The following RIMS2 variants were observed in gnomAD, a reference collection of about 807,000 sequenced individuals.
RIMS2 encodes the protein regulating synaptic membrane exocytosis protein 2.
A neutral mutation model predicts 174.4 loss-of-function variants in RIMS2; 59 were observed. That is an observed-to-expected ratio of 0.34 (90% CI 0.27 to 0.42). The LOEUF (loss-of-function observed/expected upper bound fraction) is 0.42. Ranked by LOEUF, RIMS2 falls within the 10% of genes least tolerant of loss-of-function variation. RIMS2 has a pLI of 1.00. For missense variants in RIMS2, 1,620 were observed against 1,666.3 expected (o/e 0.97, Z 0.48); for synonymous variants, 606 against 572.5 (o/e 1.06, Z -0.84).
intron 16 of RIMS2, among the ~76,000 whole-genome samples, chr8:103,983,633 A>C (rs2154549512): frequency 6.6e-6 from 1 of 152,330 alleles, no homozygotes; most frequent in East Asian, 1.9e-4. Context: ...AGGTGCCAAG[A>C]GTATACATTG....
intron 19 of RIMS2, among the ~76,000 whole-genome samples, chr8:104,114,745 G>A (rs4439090): frequency 0.29 from 43,704 of 151,500 alleles, 7,445 homozygotes; most frequent in East Asian, 0.73. Context: ...TTAATTATTA[G>A]CATAGTTGCT....
intron 3 of RIMS2, among the ~76,000 whole-genome samples, chr8:103,788,952 G>C (rs181361178): frequency 0.01 from 1,478 of 143,854 alleles, 5 homozygotes; most frequent in African/African-American, 0.035. Flanking sequence ...CTCTGAGCCA[G>C]GTGCGGGATA....
chr8:103,777,186 A>G (rs2098327726), intron 3 of RIMS2, among the ~76,000 whole-genome samples: 2 of 152,068 alleles, frequency 1.3e-5, no homozygotes, highest in African/African-American at 2.4e-5. Flanking sequence ...GAAAGACTGA[A>G]TGAGTAGATA....
intron 1 of RIMS2, among the ~76,000 whole-genome samples, chr8:103,624,595 T>C (rs73696666): frequency 0.048 from 7,320 of 152,298 alleles, 583 homozygotes; most frequent in African/African-American, 0.17. Context: ...GAGGGAATAA[T>C]CTAACTTTGC....
chr8:103,862,669 C>T (rs1284356485), intron 3 of RIMS2, among the ~76,000 whole-genome samples: 3 of 151,846 alleles, frequency 2.0e-5, no homozygotes, highest in African/African-American at 4.8e-5. Flanking sequence ...TAGTTCTCCT[C>T]GTAGAGATCT....
chr8:103,970,143 C>G (rs1445388474), intron 15 of RIMS2, among the ~76,000 whole-genome samples: 1 of 152,072 alleles, frequency 6.6e-6, no homozygotes, highest in East Asian at 1.9e-4. Context: ...TAGTAATGTG[C>G]TGGTAAGGTC....
chr8:103,546,619 C>T (rs1845237411), intron 1 of RIMS2, among the ~76,000 whole-genome samples: 1 of 152,208 alleles, frequency 6.6e-6, no homozygotes, highest in Non-Finnish European at 1.5e-5. Flanking sequence ...TAAAATTGAC[C>T]ACACAATCAG....
At chr8:103,711,468 A>T (rs2097302611) in intron 2 of RIMS2, among the ~76,000 whole-genome samples, 1 of 152,198 alleles carries the variant, frequency 6.6e-6, no homozygotes, top group Non-Finnish European at 1.5e-5. Context: ...TTAAAAATGA[A>T]GTTGGACTCT....
At chr8:103,965,514 T>C (rs1480197372) in intron 15 of RIMS2, among the ~76,000 whole-genome samples, 3 of 152,202 alleles carry the variant, frequency 2.0e-5, no homozygotes, top group African/African-American at 7.2e-5. Flanking sequence ...CTATAATCAC[T>C]TATTAGTTCC....
At chr8:103,585,733 T>C (rs2093879831) in intron 1 of RIMS2, among the ~76,000 whole-genome samples, 1 of 145,980 alleles carries the variant, frequency 6.9e-6, no homozygotes, top group African/African-American at 2.5e-5. Context: ...TGTTGGGGGG[T>C]TGGGGGCAAG....
At chr8:103,740,285 G>A (rs893934799) in intron 2 of RIMS2, among the ~76,000 whole-genome samples, 3 of 152,122 alleles carry the variant, frequency 2.0e-5, no homozygotes, top group African/African-American at 7.2e-5. Flanking sequence ...TTTTATAAGT[G>A]GTGATTAAAT....
chr8:104,103,079 T>C (rs1320169810), intron 19 of RIMS2, among the ~76,000 whole-genome samples: 1 of 152,130 alleles, frequency 6.6e-6, no homozygotes, highest in African/African-American at 2.4e-5. Flanking sequence ...TGATTCATAC[T>C]ACAACATGGA....
At chr8:104,146,081 TG>T (rs1214015112) in intron 19 of RIMS2, among the ~76,000 whole-genome samples, 1 of 151,140 alleles carries the variant, frequency 6.6e-6, no homozygotes, top group Non-Finnish European at 1.5e-5. Context: ...TAACCCCTTT[TG>T]GGCCAGGCTC....
intron 3 of RIMS2, among the ~76,000 whole-genome samples, chr8:103,863,932 G>A (rs1444676936): frequency 6.9e-6 from 1 of 144,448 alleles, no homozygotes; most frequent in Admixed American, 6.9e-5. Context: ...TTTTTTTGAT[G>A]GAGTCTTGCT....
intron 19 of RIMS2, among the ~76,000 whole-genome samples, chr8:104,194,287 C>T (rs1007052963): frequency 6.6e-6 from 1 of 152,040 alleles, no homozygotes; most frequent in Non-Finnish European, 1.5e-5. Flanking sequence ...AAATAGTTTA[C>T]CAAAATTATG....
intron 21 of RIMS2, 78 bp downstream of exon 27, chr8:104,248,891 TTCTCTC>T (rs368851079): frequency 6.0e-5 from 38 of 629,132 alleles, no homozygotes; most frequent in East Asian, 5.0e-4. Flanking sequence ...TCATAGAATC[TTCTCTC>T]TCTCTCTCTC....
At chr8:103,951,381 G>A (rs905089049) in intron 14 of RIMS2, among the ~76,000 whole-genome samples, 1 of 152,172 alleles carries the variant, frequency 6.6e-6, no homozygotes, top group African/African-American at 2.4e-5. Context: ...GCAGAAGGCG[G>A]GTGATTTCTG....
At chr8:103,991,475 C>A (rs971429182) in intron 17 of RIMS2, among the ~76,000 whole-genome samples, 2 of 151,776 alleles carry the variant, frequency 1.3e-5, no homozygotes, top group African/African-American at 4.8e-5. Flanking sequence ...TCTGTTTTAT[C>A]TTAATATTCT....
At chr8:103,728,336 G>T (rs2097548260) in intron 2 of RIMS2, among the ~76,000 whole-genome samples, 1 of 152,098 alleles carries the variant, frequency 6.6e-6, no homozygotes, top group South Asian at 2.1e-4. Context: ...TTTTGGTGGA[G>T]TCTTTAGGTT....
Sources: allele counts gnomAD v4.1 joint callset (sites outside exome capture counted in the v4.1 genomes callset), GRCh38; gene constraint gnomAD v4.1.1; transcripts MANE v1.5; gene names NCBI Gene and HGNC (gene_info 2026-07-23, HGNC 2026-07-21).